The following IFT56 variants were observed in gnomAD, a reference collection of about 807,000 sequenced individuals.
The protein encoded by IFT56 is intraflagellar transport protein 56.
chr7:139,133,815 C>T, the IFT56 span: 10 of 1,613,898 alleles, frequency 6.2e-6, no homozygotes, highest in African/African-American at 8.0e-5. Flanking sequence ...CGCTGAGGCG[C>T]GGCCTTCGCT....
chr7:139,186,230 C>A, the IFT56 span, among the ~76,000 whole-genome samples: 1 of 151,966 alleles, frequency 6.6e-6, no homozygotes. Context: ...GAGTTTGAGA[C>A]CCACCTGGGC....
the IFT56 span, chr7:139,172,954 T>G: frequency 1.4e-6 from 1 of 727,300 alleles, no homozygotes; most frequent in Non-Finnish European, 2.6e-6. Context: ...GGATGTGTCC[T>G]GCTGCTGGCG....
At chr7:139,143,572 G>A in the IFT56 span, among the ~76,000 whole-genome samples, 2 of 151,262 alleles carry the variant, frequency 1.3e-5, no homozygotes, top group African/African-American at 2.4e-5. Context: ...TTAAATTTAA[G>A]GTGACTCTTA....
At chr7:139,167,383 A>G in the IFT56 span, among the ~76,000 whole-genome samples, 1 of 152,176 alleles carries the variant, frequency 6.6e-6, no homozygotes, top group Non-Finnish European at 1.5e-5. Flanking sequence ...TCCAGACCCC[A>G]TGGAGTTTAA....
the IFT56 span, among the ~76,000 whole-genome samples, chr7:139,135,077 G>A: frequency 1.3e-5 from 2 of 152,076 alleles, no homozygotes; most frequent in African/African-American, 2.4e-5. Context: ...TCAAGAGATC[G>A]AGACCATCCT....
chr7:139,143,601 GT>G, the IFT56 span, among the ~76,000 whole-genome samples: 1 of 151,490 alleles, frequency 6.6e-6, no homozygotes, highest in African/African-American at 2.4e-5. Context: ...ATATAAATGA[GT>G]TTTGTGGGTT....
chr7:139,138,044 A>C, the IFT56 span: 1 of 655,464 alleles, frequency 1.5e-6, no homozygotes, highest in Non-Finnish European at 2.5e-6. Context: ...ACAATGCAGA[A>C]GGAAACAAAG....
the IFT56 span, among the ~76,000 whole-genome samples, chr7:139,157,942 C>T: frequency 6.6e-6 from 1 of 152,152 alleles, no homozygotes; most frequent in East Asian, 1.9e-4. Flanking sequence ...CAAGTGATTG[C>T]AGTGGGGTGA....
At chr7:139,176,099 A>G in the IFT56 span, among the ~76,000 whole-genome samples, 39,277 of 151,830 alleles carry the variant, frequency 0.26, 9,352 homozygotes, top group African/African-American at 0.6. Flanking sequence ...GATTACAGGC[A>G]TGAGCCACCG....
chr7:139,186,699 C>T, the IFT56 span, among the ~76,000 whole-genome samples: 1 of 152,108 alleles, frequency 6.6e-6, no homozygotes, highest in African/African-American at 2.4e-5. Context: ...TGATAGTAGT[C>T]ATCTGAAAAG....
chr7:139,187,657 A>AT, the IFT56 span: 5 of 1,323,328 alleles, frequency 3.8e-6, no homozygotes, highest in Non-Finnish European at 5.2e-6. Flanking sequence ...TTTTAGAATG[A>AT]TGAAAAAAAG....
chr7:139,163,750 G>A, the IFT56 span, among the ~76,000 whole-genome samples: 12 of 152,172 alleles, frequency 7.9e-5, no homozygotes, highest in African/African-American at 2.9e-4. Flanking sequence ...ATAATTAATG[G>A]AGAAAAGAGG....
chr7:139,171,689 C>G, the IFT56 span, among the ~76,000 whole-genome samples: 15 of 152,108 alleles, frequency 9.9e-5, no homozygotes, highest in Non-Finnish European at 2.2e-4. Flanking sequence ...AAAATCAAAT[C>G]AAAATGGATT....
chr7:139,173,268 C>T, the IFT56 span: 321 of 437,094 alleles, frequency 7.3e-4, no homozygotes, highest in African/African-American at 6.2e-3. Flanking sequence ...GCTCTTGTTG[C>T]CCAGACTGGA....
chr7:139,162,999 G>A, the IFT56 span, among the ~76,000 whole-genome samples: 2 of 149,634 alleles, frequency 1.3e-5, no homozygotes, highest in African/African-American at 4.9e-5. Flanking sequence ...TTTGGGGGAG[G>A]ATTAAATGAG....
At chr7:139,148,923 A>G in the IFT56 span, among the ~76,000 whole-genome samples, 2 of 151,104 alleles carry the variant, frequency 1.3e-5, no homozygotes, top group African/African-American at 4.9e-5. Context: ...AAACCAAAAA[A>G]CAAATGCTTC....
the IFT56 span, chr7:139,161,182 T>A: frequency 1.8e-6 from 1 of 553,482 alleles, no homozygotes; most frequent in East Asian, 3.1e-5. Context: ...AAAGTACTAA[T>A]CTGTTTCCTT....
chr7:139,154,117 G>A, the IFT56 span, among the ~76,000 whole-genome samples: 1 of 151,958 alleles, frequency 6.6e-6, no homozygotes, highest in African/African-American at 2.4e-5. Context: ...GTGCTTGTTG[G>A]CCATTTGCAT....
chr7:139,173,856 GT>G, the IFT56 span: 2 of 705,340 alleles, frequency 2.8e-6, no homozygotes, highest in Middle Eastern at 2.5e-4. Flanking sequence ...TATTTCTATA[GT>G]TACTGTTGTT....
Sources: gnomAD v4.1 joint callset for allele counts (sites outside exome capture counted in the v4.1 genomes callset) on GRCh38, gnomAD v4.1.1 for gene constraint, MANE v1.5 for transcripts, NCBI Gene and HGNC (gene_info 2026-07-23, HGNC 2026-07-21) for gene names.